ENTREP2: variants seen among roughly 807,000 people sequenced by gnomAD.
ENTREP2 encodes endosomal transmembrane epsin interactor 2.
chr15:29,165,695 C>A, the ENTREP2 span, among the ~76,000 whole-genome samples: 1 of 152,026 alleles, frequency 6.6e-6, no homozygotes, highest in Admixed American at 6.6e-5. Flanking sequence ...TACAAAATTA[C>A]CAACAACAAA....
At chr15:29,372,568 C>G in the ENTREP2 span, among the ~76,000 whole-genome samples, 1 of 152,198 alleles carries the variant, frequency 6.6e-6, no homozygotes, top group Admixed American at 6.5e-5. Context: ...ATCCCCATCT[C>G]TAAATATTAT....
the ENTREP2 span, among the ~76,000 whole-genome samples, chr15:29,241,588 GA>G: frequency 6.6e-6 from 1 of 152,030 alleles, no homozygotes; most frequent in Non-Finnish European, 1.5e-5. Flanking sequence ...AAAAGAAAGG[GA>G]AAATAGTTCT....
the ENTREP2 span, among the ~76,000 whole-genome samples, chr15:29,383,755 A>G: frequency 6.6e-6 from 1 of 152,190 alleles, no homozygotes; most frequent in Non-Finnish European, 1.5e-5. Context: ...CTAGTCTAGT[A>G]TCAAAAACAT....
the ENTREP2 span, among the ~76,000 whole-genome samples, chr15:29,583,812 G>C: frequency 1.8e-4 from 27 of 152,276 alleles, no homozygotes; most frequent in African/African-American, 6.0e-4. Context: ...TAGATGGTGA[G>C]CACTGATATA....
chr15:29,346,608 T>C, the ENTREP2 span, among the ~76,000 whole-genome samples: 1 of 152,210 alleles, frequency 6.6e-6, no homozygotes, highest in Non-Finnish European at 1.5e-5. Context: ...TTTCACAGAA[T>C]GGTTCCACAA....
At chr15:29,214,098 AAACCAGTTC>A in the ENTREP2 span, among the ~76,000 whole-genome samples, 3 of 152,198 alleles carry the variant, frequency 2.0e-5, no homozygotes, top group Non-Finnish European at 4.4e-5. Flanking sequence ...GTGGGACTGT[AAACCAGTTC>A]AACCATTGTG....
At chr15:29,581,845 T>G in the ENTREP2 span, among the ~76,000 whole-genome samples, 7 of 151,842 alleles carry the variant, frequency 4.6e-5, no homozygotes, top group Non-Finnish European at 7.4e-5. Flanking sequence ...ACTACAGAGA[T>G]AGAGTAATCA....
chr15:29,472,761 G>A, the ENTREP2 span, among the ~76,000 whole-genome samples: 485 of 152,094 alleles, frequency 3.2e-3, 2 homozygotes, highest in African/African-American at 0.011. Flanking sequence ...CACTGCACCC[G>A]GCCTATAATC....
At chr15:29,182,436 T>A in the ENTREP2 span, among the ~76,000 whole-genome samples, 3 of 152,186 alleles carry the variant, frequency 2.0e-5, no homozygotes, top group South Asian at 4.2e-4. Context: ...ACTAAAAAAA[T>A]TTTAAACTCC....
At chr15:29,557,335 T>C in the ENTREP2 span, among the ~76,000 whole-genome samples, 3 of 152,186 alleles carry the variant, frequency 2.0e-5, no homozygotes, top group South Asian at 4.1e-4. Context: ...GGGGTTTTAG[T>C]GTCTTCTCTC....
At chr15:29,500,364 T>A in the ENTREP2 span, among the ~76,000 whole-genome samples, 8 of 152,212 alleles carry the variant, frequency 5.3e-5, no homozygotes, top group East Asian at 1.2e-3. Flanking sequence ...TCTCTGTAAA[T>A]CTTTAAAGAT....
chr15:29,285,913 TCAC>T, the ENTREP2 span, among the ~76,000 whole-genome samples: 5 of 152,256 alleles, frequency 3.3e-5, no homozygotes, highest in East Asian at 5.8e-4. Flanking sequence ...TCAAGATAAT[TCAC>T]CATATTAACA....
chr15:29,428,044 G>T, the ENTREP2 span, among the ~76,000 whole-genome samples: 1 of 152,140 alleles, frequency 6.6e-6, no homozygotes, highest in South Asian at 2.1e-4. Context: ...ATTGCAGTAT[G>T]TACCTAGACC....
At chr15:29,651,184 C>T in the ENTREP2 span, among the ~76,000 whole-genome samples, 8 of 152,254 alleles carry the variant, frequency 5.3e-5, no homozygotes, top group South Asian at 1.7e-3. Context: ...TTTTACCACT[C>T]GTAATTGATT....
At chr15:29,135,419 G>T in the ENTREP2 span, among the ~76,000 whole-genome samples, 1 of 152,072 alleles carries the variant, frequency 6.6e-6, no homozygotes, top group East Asian at 1.9e-4. The surrounding 1 kb of genome is among the most constrained non-coding windows in gnomAD (Gnocchi z 7.4). Flanking sequence ...TTCCTTGGAG[G>T]GTGGGTCCTT....
chr15:29,546,682 C>T, the ENTREP2 span, among the ~76,000 whole-genome samples: 1 of 151,832 alleles, frequency 6.6e-6, no homozygotes, highest in Non-Finnish European at 1.5e-5. Flanking sequence ...GTCAGGAGAT[C>T]GAGACCATCC....
At chr15:29,537,202 AAGGG>A in the ENTREP2 span, among the ~76,000 whole-genome samples, 1 of 152,180 alleles carries the variant, frequency 6.6e-6, no homozygotes, top group South Asian at 2.1e-4. Flanking sequence ...AACTGGTCCC[AAGGG>A]AGGGGACTAC....
At chr15:29,226,145 G>A in the ENTREP2 span, among the ~76,000 whole-genome samples, 2 of 152,204 alleles carry the variant, frequency 1.3e-5, no homozygotes, top group Admixed American at 1.3e-4. Flanking sequence ...CGCTCCCTCT[G>A]TAAAATGTAT....
the ENTREP2 span, among the ~76,000 whole-genome samples, chr15:29,453,121 G>A: frequency 5.3e-5 from 8 of 152,198 alleles, no homozygotes; most frequent in East Asian, 9.7e-4. Context: ...GAAATTTCCC[G>A]GCTGTTTAGT....
Sources: allele counts gnomAD v4.1 joint callset (sites outside exome capture counted in the v4.1 genomes callset), GRCh38; gene constraint gnomAD v4.1.1; non-coding constraint Gnocchi (gnomAD v3.1); transcripts MANE v1.5; gene names NCBI Gene and HGNC (gene_info 2026-07-23, HGNC 2026-07-21).